Variants in SYT1 observed in about 807,000 individuals in gnomAD.
SYT1 encodes synaptotagmin 1, also known as synaptotagmin-1.
Under a neutral mutation model 44.8 loss-of-function variants are expected in SYT1, and 8 were observed. The observed-to-expected ratio is 0.18, with a 90% CI of 0.10 to 0.32. The LOEUF (loss-of-function observed/expected upper bound fraction) is 0.32, where lower values mean the gene tolerates loss of function less well. Among genes scored for constraint, SYT1 ranks in the 10% least tolerant of loss-of-function variants. SYT1 has a pLI of 1.00. For synonymous variants in SYT1, 154 were observed against 188.8 expected, an observed-to-expected ratio of 0.82 and a Z score of 1.51; for missense variants, 286 against 509.3, an observed-to-expected ratio of 0.56 and a Z score of 4.22.
chr12:78,892,124 C>T lies in SYT1; in HGVS notation c.-217+27015C>T, dbSNP rs138676505. ...TGTATGGTCTGCCTGAACTATAGAT[C>T]TGGCAAGTCCTTGAACTATGCTAAG... On this transcript the variant is annotated intron_variant, in intron 1 of 10. Coordinates refer to ENST00000261205, the MANE Select transcript of SYT1 (RefSeq NM_005639.3). Among the ~76,000 whole-genome samples the T allele has an allele frequency of 9.4e-4, 143 of 151,776 alleles. 1 individual carries two copies. The highest frequency in any genetic ancestry group is 3.3e-3 in the African/African-American group (136 of 41,452).
intron 8 of SYT1, among the ~76,000 whole-genome samples, chr12:79,308,047 A>T (rs926807354): frequency 4.6e-5 from 7 of 152,250 alleles, no homozygotes; most frequent in African/African-American, 1.7e-4. Context: ...CATTTGAAGC[A>T]TCAGCTGCTC....
chr12:79,310,411 T>C lies in SYT1; in HGVS notation c.810+10860T>C, dbSNP rs867330123. On this transcript the variant is annotated intron_variant, in intron 8 of 10. Coordinates refer to ENST00000261205, the MANE Select transcript of SYT1 (RefSeq NM_005639.3). ...TGGTACCAGTACCATGCTGTTTTGGTTACTGTAGCCTTGTAGTATAGTTTG... is the reference window on the plus strand; with the variant it reads ...TGGTACCAGTACCATGCTGTTTTGGCTACTGTAGCCTTGTAGTATAGTTTG... Among the ~76,000 whole-genome samples, 553 of 152,162 alleles carry C rather than the reference T, an allele frequency of 3.6e-3. 2 individuals are homozygous for C. The Middle Eastern group carries it at 0.037, about 10-fold the overall frequency.
intron 9 of SYT1, among the ~76,000 whole-genome samples, chr12:79,354,570 C>T (rs139133065): frequency 2.4e-4 from 36 of 152,212 alleles, no homozygotes; most frequent in African/African-American, 7.2e-4. Context: ...ACTAATTTGT[C>T]GACCAAATTC....
chr12:78,871,599 A>G (rs1177679480), intron 1 of SYT1, among the ~76,000 whole-genome samples: 3 of 152,004 alleles, frequency 2.0e-5, no homozygotes, highest in Admixed American at 1.3e-4. Context: ...TGAAGCAAGG[A>G]CAAGTGCTAT....
chr12:79,319,135 T>C (rs1466318794), intron 8 of SYT1, among the ~76,000 whole-genome samples: 2 of 152,194 alleles, frequency 1.3e-5, no homozygotes, highest in Non-Finnish European at 2.9e-5. Context: ...ATGGAACCTA[T>C]GTGTCGCAGT....
chr12:79,323,086 A>G (rs1881443126), intron 8 of SYT1, among the ~76,000 whole-genome samples: 1 of 152,008 alleles, frequency 6.6e-6, no homozygotes, highest in Admixed American at 6.6e-5. Context: ...CAGTAGCATC[A>G]ATCTAAATCA....
chr12:78,993,170 G>A (rs1400239438), intron 2 of SYT1, among the ~76,000 whole-genome samples: 1 of 152,128 alleles, frequency 6.6e-6, no homozygotes, highest in Non-Finnish European at 1.5e-5. Flanking sequence ...GAAACTGTCA[G>A]GCCTAAATTA....
intron 3 of SYT1, among the ~76,000 whole-genome samples, chr12:79,204,544 T>G (rs1371032920): frequency 6.6e-6 from 1 of 152,216 alleles, no homozygotes; most frequent in Non-Finnish European, 1.5e-5. Context: ...CCGATTGGCT[T>G]GCTTCAACTA....
intron 8 of SYT1, among the ~76,000 whole-genome samples, chr12:79,313,540 T>G (rs1880912191): frequency 6.6e-6 from 1 of 151,740 alleles, no homozygotes; most frequent in African/African-American, 2.4e-5. Context: ...TAAATTGCAT[T>G]CTATTAACCA....
intron 4 of SYT1, among the ~76,000 whole-genome samples, chr12:79,258,385 T>C (rs1258450947): frequency 1.3e-5 from 1 of 78,482 alleles, no homozygotes; most frequent in Non-Finnish European, 2.8e-5. Flanking sequence ...GCATCACTTT[T>C]GTAAACTGAG....
At chr12:79,358,829 T>C (rs955501218) in intron 9 of SYT1, among the ~76,000 whole-genome samples, 2 of 152,096 alleles carry the variant, frequency 1.3e-5, no homozygotes, top group Non-Finnish European at 2.9e-5. Context: ...TCATGGATTG[T>C]TGGAAATGGA....
At position 79,217,506 on chromosome 12, in the gene SYT1, C is replaced by A; in HGVS notation, c.-14C>A. Reference sequence around the variant, plus strand: ...CTTTGCTTCCCTCCCCTCACAGCTTCACCTGAACCTAAAATGGTGAGCGAG... The same window carrying A: ...CTTTGCTTCCCTCCCCTCACAGCTTAACCTGAACCTAAAATGGTGAGCGAG... On this transcript the variant is annotated 5_prime_UTR_variant, in exon 4 of 11. Transcript: ENST00000261205. 1 of 1,577,288 alleles carries A rather than the reference C, an allele frequency of 6.3e-7. No homozygotes were observed.
intron 9 of SYT1, among the ~76,000 whole-genome samples, chr12:79,415,122 A>G (rs1230470710): frequency 6.6e-6 from 1 of 152,104 alleles, no homozygotes; most frequent in Non-Finnish European, 1.5e-5. Context: ...GTTTGTTTAA[A>G]TTATAAAAGT....
At chr12:78,864,009 A>G, upstream of SYT1, 1 of 151,926 alleles carries the variant, frequency 6.6e-6, no homozygotes, top group East Asian at 2.0e-4. Flanking sequence ...GCTCCACCGC[A>G]CCCTTCGCGG....
intron 3 of SYT1, among the ~76,000 whole-genome samples, chr12:79,193,956 C>T (rs1202300093): frequency 6.6e-6 from 1 of 152,106 alleles, no homozygotes; most frequent in African/African-American, 2.4e-5. Flanking sequence ...AGCAGAGATG[C>T]TAATTGGCTT....
At chr12:78,886,859 T>C (rs549665987) in intron 1 of SYT1, among the ~76,000 whole-genome samples, 4 of 151,970 alleles carry the variant, frequency 2.6e-5, no homozygotes, top group Non-Finnish European at 5.9e-5. Flanking sequence ...CTATATGGGG[T>C]TAAGTCATTC....
At chr12:79,342,258 G>T (rs975849510) in intron 8 of SYT1, among the ~76,000 whole-genome samples, 3 of 152,188 alleles carry the variant, frequency 2.0e-5, no homozygotes, top group Admixed American at 1.3e-4. Context: ...TAGAGACAGG[G>T]TCTTGCTCTG....
intron 2 of SYT1, among the ~76,000 whole-genome samples, chr12:79,034,946 T>G (rs1873034627): frequency 6.6e-6 from 1 of 151,710 alleles, no homozygotes; most frequent in Admixed American, 6.6e-5. Context: ...CTATTTTATT[T>G]CTACAGTTGT....
Position 79,444,199 on chromosome 12 carries a change from A to T in SYT1, c.1055A>T (p.Gln352Leu). 6.2e-7 allele frequency: 1 copy of T among 1,612,416 alleles called. No homozygotes were observed. Among genetic ancestry groups the T allele is most frequent in the Non-Finnish European group, 8.5e-7 (1 of 1,179,192 alleles). The change falls in exon 10 of 11, where the codon CAA becomes CTA. Residue 352 changes from glutamine to leucine, a missense_variant. Gln to Leu is a moderately radical substitution (Grantham distance 113). Coordinates refer to ENST00000261205, the MANE Select transcript of SYT1 (RefSeq NM_005639.3). ...ESFSFEVPFEQIQKVQVVVTV... is the reference protein window; with the variant it reads ...ESFSFEVPFELIQKVQVVVTV... ...TTCAGCTTTGAAGTACCTTTTGAACAAATCCAGGTAATGTCAAACATAACT... is the reference window on the plus strand; with the variant it reads ...TTCAGCTTTGAAGTACCTTTTGAACTAATCCAGGTAATGTCAAACATAACT...
Sources: gnomAD v4.1 joint callset for allele counts (sites outside exome capture counted in the v4.1 genomes callset) on GRCh38, gnomAD v4.1.1 for gene constraint, MANE v1.5 for transcripts, NCBI Gene and HGNC (gene_info 2026-07-23, HGNC 2026-07-21) for gene names.